DNAI4: variants seen among roughly 807,000 people sequenced by gnomAD.
DNAI4 encodes the protein dynein axonemal intermediate chain 4.
In DNAI4, 85 loss-of-function variants were observed where a neutral mutation model predicts 105.8. That is an observed-to-expected ratio of 0.80 (90% confidence interval 0.67 to 0.96). The LOEUF is 0.96. Among genes scored for constraint, DNAI4 ranks in the 40% least tolerant of loss-of-function variants. The pLI is 0.00. For synonymous variants in DNAI4, 352 were observed against 331.5 expected (o/e 1.06, Z -0.67); for missense variants, 1,014 against 1,005.6 (o/e 1.01, Z -0.11).
chr1:66,873,884 G>T, intron 5 of DNAI4, among the ~76,000 whole-genome samples: 1 of 131,776 alleles, frequency 7.6e-6, no homozygotes, highest in Non-Finnish European at 1.6e-5. Flanking sequence ...TTGGTCCTAG[G>T]AACTTTCCCT....
At chr1:66,875,080 AG>A in intron 4 of DNAI4, 143 bp from the exon 5 acceptor site, 1 of 816,798 alleles carries the variant, frequency 1.2e-6, no homozygotes, top group Non-Finnish European at 1.8e-6. Flanking sequence ...TGTGAGATGT[AG>A]TATATTCAAC....
At chr1:66,838,506 A>G (rs1646078309) in intron 9 of DNAI4, among the ~76,000 whole-genome samples, 1 of 152,236 alleles carries the variant, frequency 6.6e-6, no homozygotes, top group Admixed American at 6.5e-5. Flanking sequence ...CCCAGTCTAT[A>G]ATATATTGTT....
At position 66,905,272 on chromosome 1, in the gene DNAI4, A is replaced by G. The variant is rs151055427; in HGVS notation, c.274T>C (p.Ser92Pro). 3 of 1,587,162 alleles carry G rather than the reference A, an allele frequency of 1.9e-6. No individual in the cohort carries two copies. The highest frequency in any genetic ancestry group is 2.6e-6 in the Non-Finnish European group (3 of 1,161,984). Residue 92 changes from serine to proline, a missense_variant, in exon 2 of 17, where the codon TCC becomes CCC. Physicochemically the swap from Ser to Pro is moderately conservative, Grantham distance 74 (BLOSUM62 -1). Transcript: ENST00000371026. ...TCAGGTGGAATAAGCACGGTTTTGGACACAGCCATTCTGCTTTGATTTGCA... is the reference window on the plus strand; with the variant it reads ...TCAGGTGGAATAAGCACGGTTTTGGGCACAGCCATTCTGCTTTGATTTGCA... ...TGANQSRMAV[S>P]KTVLIPPELK...
intron 5 of DNAI4, 108 bp downstream of exon 5, chr1:66,874,673 T>A (rs1048747018): frequency 9.3e-7 from 1 of 1,073,348 alleles, no homozygotes; most frequent in Admixed American, 2.6e-5. Flanking sequence ...CCAAACCCCA[T>A]AGTGTATACC....
intron 1 of DNAI4, among the ~76,000 whole-genome samples, chr1:66,908,443 G>A (rs1337637169): frequency 6.6e-6 from 1 of 152,198 alleles, no homozygotes; most frequent in Non-Finnish European, 1.5e-5. Context: ...CAGACCAAGA[G>A]GGGCAGCTCC....
At chr1:66,844,102 A>AAAAAAAC (rs1557917531) in intron 8 of DNAI4, among the ~76,000 whole-genome samples, 1 of 146,750 alleles carries the variant, frequency 6.8e-6, no homozygotes, top group East Asian at 2.2e-4. Context: ...AAAAAAAAAA[A>AAAAAAAC]AAAAACTTTA....
intron 3 of DNAI4, among the ~76,000 whole-genome samples, 156 bp downstream of exon 3, chr1:66,893,072 AG>A (rs1647935065): frequency 8.2e-6 from 1 of 122,480 alleles, no homozygotes; most frequent in Non-Finnish European, 1.8e-5. Context: ...AGAGAAAGAA[AG>A]AAAGAAAGAA....
chr1:66,893,020 AAG>A, intron 3 of DNAI4, among the ~76,000 whole-genome samples: 1 of 137,754 alleles, frequency 7.3e-6, no homozygotes, highest in Non-Finnish European at 1.6e-5. Flanking sequence ...AGAGGAAAGA[AAG>A]AAAGAAAGAG....
chr1:66,869,416 AC>A (rs1646796028), intron 6 of DNAI4, among the ~76,000 whole-genome samples: 1 of 152,054 alleles, frequency 6.6e-6, no homozygotes. Flanking sequence ...AAATATTTAA[AC>A]CCTTTACTTT....
At chr1:66,839,318 C>A (rs1325400713) in intron 9 of DNAI4, among the ~76,000 whole-genome samples, 1 of 151,984 alleles carries the variant, frequency 6.6e-6, no homozygotes, top group African/African-American at 2.4e-5. Context: ...AAGACAGTCC[C>A]AAATATAGTT....
At chr1:66,914,085 C>G (rs758171855) in intron 1 of DNAI4, among the ~76,000 whole-genome samples, 3 of 151,464 alleles carry the variant, frequency 2.0e-5, no homozygotes, top group Non-Finnish European at 2.9e-5. Context: ...AAACCCCAGG[C>G]CACAGCTCTG....
At chr1:66,835,242 A>AGATAGATG (rs1557906606) in intron 11 of DNAI4, among the ~76,000 whole-genome samples, 1 of 149,736 alleles carries the variant, frequency 6.7e-6, no homozygotes, top group Non-Finnish European at 1.5e-5. Context: ...ATAGATAGAT[A>AGATAGATG]AGATAGATTT....
intron 4 of DNAI4, among the ~76,000 whole-genome samples, chr1:66,876,800 T>C (rs945954928): frequency 6.6e-6 from 1 of 152,044 alleles, no homozygotes; most frequent in Non-Finnish European, 1.5e-5. Flanking sequence ...TCCTCTTGAC[T>C]GCCAATGATG....
chr1:66,863,041 T>C (rs1646660473), intron 6 of DNAI4, among the ~76,000 whole-genome samples: 3 of 152,240 alleles, frequency 2.0e-5, no homozygotes. Flanking sequence ...GAAGCTTGTA[T>C]AGTAGTACGG....
chr1:66,921,482 A>G (rs1650473062), intron 1 of DNAI4: 1 of 152,242 alleles, frequency 6.6e-6, no homozygotes, highest in African/African-American at 2.4e-5. Flanking sequence ...CGTTTTAATT[A>G]GGTAACATGG....
At position 66,834,040 on chromosome 1, in the gene DNAI4, T is replaced by C. The variant is rs772192245; in HGVS notation, c.1842A>G (p.Ala614=). 2 of 1,612,270 alleles carry C rather than the reference T, an allele frequency of 1.2e-6. No homozygotes were observed. The highest frequency in any genetic ancestry group is 2.2e-5 in the South Asian group (2 of 90,684). The change falls in exon 12 of 17, where the codon GCA becomes GCG. Residue 614 remains alanine, a synonymous_variant. Coordinates refer to ENST00000371026, the MANE Select transcript of DNAI4 (RefSeq NM_024763.5). ...GKREILVSIS[A]DGRISKWVIR... Reference sequence around the variant, plus strand: ...TAACCCATTTGGAGATTCTTCCATCTGCTGATATAGAAACTAGTATTTCTC... The same window carrying C: ...TAACCCATTTGGAGATTCTTCCATCCGCTGATATAGAAACTAGTATTTCTC...
At chr1:66,864,037 C>T (rs149135726) in intron 6 of DNAI4, among the ~76,000 whole-genome samples, 39 of 152,130 alleles carry the variant, frequency 2.6e-4, no homozygotes, top group African/African-American at 4.8e-4. Context: ...TAAATAAATA[C>T]GCCTATTATA....
At chr1:66,872,493 G>A (rs1288680625) in intron 5 of DNAI4, among the ~76,000 whole-genome samples, 1 of 151,962 alleles carries the variant, frequency 6.6e-6, no homozygotes, top group East Asian at 1.9e-4. Flanking sequence ...TCCTCCCAAA[G>A]CGCTGGGATT....
chr1:66,851,588 C>G (rs1483371297), intron 7 of DNAI4, among the ~76,000 whole-genome samples: 4 of 151,632 alleles, frequency 2.6e-5, no homozygotes, highest in Non-Finnish European at 1.5e-5. Context: ...GTGTCTTCTC[C>G]AATTACAGTG....
Sources: gnomAD v4.1 joint callset for allele counts (sites outside exome capture counted in the v4.1 genomes callset) on GRCh38, gnomAD v4.1.1 for gene constraint, MANE v1.5 for transcripts, NCBI Gene and HGNC (gene_info 2026-07-23, HGNC 2026-07-21) for gene names.